SV2C: variants seen among roughly 807,000 people sequenced by gnomAD.
The protein encoded by SV2C is synaptic vesicle glycoprotein 2C, also known as solute carrier family 22 member B3.
Under a neutral mutation model 79.7 loss-of-function variants are expected in SV2C, and 49 were observed. The observed-to-expected ratio is 0.61, with a 90% confidence interval of 0.49 to 0.78. The LOEUF (loss-of-function observed/expected upper bound fraction) is 0.78, where lower values mean the gene tolerates loss of function less well. Among genes scored for constraint, SV2C ranks in the 30% least tolerant of loss-of-function variants. SV2C has a pLI of 0.00. For missense variants in SV2C, 833 were observed against 912.9 expected (o/e 0.91, Z 1.13); for synonymous variants, 334 against 333.2 (o/e 1.00, Z -0.03).
At chr5:75,993,830 G>A in the SV2C span, among the ~76,000 whole-genome samples, 2 of 152,018 alleles carry the variant, frequency 1.3e-5, no homozygotes, top group African/African-American at 2.4e-5. Context: ...TAATCTTCTG[G>A]TGCAGTGATG....
At chr5:75,964,646 C>G in the SV2C span, among the ~76,000 whole-genome samples, 1 of 152,126 alleles carries the variant, frequency 6.6e-6, no homozygotes, top group Non-Finnish European at 1.5e-5. Flanking sequence ...ACAAAATATT[C>G]TGGGCTAAGG....
chr5:76,086,566 G>A (rs1747206561), intron 1 of SV2C, among the ~76,000 whole-genome samples: 1 of 152,188 alleles, frequency 6.6e-6, no homozygotes, highest in Non-Finnish European at 1.5e-5. Context: ...AGCATACATA[G>A]TATTCTCCAT....
At chr5:75,854,908 G>A in the SV2C span, among the ~76,000 whole-genome samples, 1 of 152,212 alleles carries the variant, frequency 6.6e-6, no homozygotes, top group South Asian at 2.1e-4. Flanking sequence ...AAGGATTGAG[G>A]TTCTTCTTCC....
the SV2C span, among the ~76,000 whole-genome samples, chr5:75,963,597 T>C: frequency 3.2e-4 from 49 of 152,276 alleles, no homozygotes; most frequent in African/African-American, 1.1e-3. Context: ...TTTTTACTTA[T>C]ACTTTAGGTT....
the SV2C span, among the ~76,000 whole-genome samples, chr5:75,888,669 A>G: frequency 6.6e-6 from 1 of 152,010 alleles, no homozygotes; most frequent in Non-Finnish European, 1.5e-5. Flanking sequence ...TAAGCCAACT[A>G]CTACCTGTCT....
chr5:76,268,211 C>T (rs1263898799), intron 4 of SV2C, among the ~76,000 whole-genome samples: 1 of 151,858 alleles, frequency 6.6e-6, no homozygotes, highest in Admixed American at 6.6e-5. Context: ...TGATTGTGGG[C>T]AGATTCTGGA....
At chr5:76,316,094 A>G (rs1167297666) in intron 12 of SV2C, among the ~76,000 whole-genome samples, 1 of 152,250 alleles carries the variant, frequency 6.6e-6, no homozygotes, top group East Asian at 1.9e-4. Flanking sequence ...TAAACAAAAC[A>G]TCAACATGAG....
the SV2C span, among the ~76,000 whole-genome samples, chr5:75,849,814 G>C: frequency 2.6e-5 from 4 of 152,172 alleles, no homozygotes; most frequent in African/African-American, 9.7e-5. Context: ...TATAAAATGA[G>C]TAACAGACTT....
At chr5:76,260,802 A>G (rs1055985223) in intron 4 of SV2C, among the ~76,000 whole-genome samples, 1 of 152,062 alleles carries the variant, frequency 6.6e-6, no homozygotes, top group Non-Finnish European at 1.5e-5. Flanking sequence ...ATTGGTTTAT[A>G]TATCTGTTTT....
In SV2C at chr5:76,297,517, A is replaced by G. The variant is rs151104066; in HGVS notation, c.1503-1277A>G. Among the ~76,000 whole-genome samples, 138 of 152,306 alleles carry G rather than the reference A, an allele frequency of 9.1e-4. 1 individual carries two copies. The highest frequency in any genetic ancestry group is 3.0e-3 in the African/African-American group (124 of 41,562). ...TCCATTCAAAAAATAAAACTGATTC[A>G]TTCCCTTTTCCAAATTCAGTTCCAT... is the stretch of plus-strand genomic sequence containing the variant. On this transcript the variant is annotated intron_variant, in intron 9 of 12. Transcript: ENST00000502798.
At chr5:76,020,106 A>T in the SV2C span, among the ~76,000 whole-genome samples, 1 of 152,212 alleles carries the variant, frequency 6.6e-6, no homozygotes, top group Non-Finnish European at 1.5e-5. Context: ...GCTTTAAAAC[A>T]GCCTTCGAGT....
chr5:76,068,037 C>T, the SV2C span, among the ~76,000 whole-genome samples: 7,889 of 152,060 alleles, frequency 0.052, 331 homozygotes, highest in African/African-American at 0.098. Context: ...CTTATTCTTA[C>T]GTCTCAAATC....
At chr5:76,021,933 ATGTTG>A in the SV2C span, among the ~76,000 whole-genome samples, 315 of 152,266 alleles carry the variant, frequency 2.1e-3, 4 homozygotes, top group Admixed American at 0.016. Context: ...GAAATTATTA[ATGTTG>A]TGTTGTGTCT....
chr5:76,091,538 G>A (rs1244613290), intron 1 of SV2C, among the ~76,000 whole-genome samples: 2 of 152,156 alleles, frequency 1.3e-5, no homozygotes, highest in Non-Finnish European at 2.9e-5. Flanking sequence ...AGAGTTTAGA[G>A]AATCTGTGAA....
At chr5:76,083,922 C>T (rs1385382591) in intron 1 of SV2C, 2 of 152,272 alleles carry the variant, frequency 1.3e-5, no homozygotes, top group Non-Finnish European at 2.9e-5. Flanking sequence ...GCCTAGAGCC[C>T]CGGGCTGGGT....
the SV2C span, among the ~76,000 whole-genome samples, chr5:76,011,717 C>A: frequency 6.6e-6 from 1 of 151,968 alleles, no homozygotes; most frequent in African/African-American, 2.4e-5. Flanking sequence ...ACCTATAACC[C>A]GTCATCTACG....
intron 4 of SV2C, among the ~76,000 whole-genome samples, chr5:76,230,662 A>C (rs563191976): frequency 1.3e-5 from 2 of 152,134 alleles, no homozygotes; most frequent in South Asian, 2.1e-4. Flanking sequence ...GATGGCGGGC[A>C]CCTGTAATCC....
chr5:76,060,802 A>G, the SV2C span, among the ~76,000 whole-genome samples: 1 of 152,088 alleles, frequency 6.6e-6, no homozygotes, highest in African/African-American at 2.4e-5. Context: ...CCTAGCTTTT[A>G]GCCTATATCT....
intron 4 of SV2C, among the ~76,000 whole-genome samples, chr5:76,262,839 T>A (rs1331799312): frequency 1.3e-5 from 2 of 152,138 alleles, no homozygotes; most frequent in Non-Finnish European, 2.9e-5. Flanking sequence ...CTGAGGAGTG[T>A]TTTACTTCCA....
Sources: gnomAD v4.1 joint callset for allele counts (sites outside exome capture counted in the v4.1 genomes callset) on GRCh38, gnomAD v4.1.1 for gene constraint, MANE v1.5 for transcripts, NCBI Gene and HGNC (gene_info 2026-07-23, HGNC 2026-07-21) for gene names.